Variants in UNC5A observed in about 807,000 individuals in gnomAD.
UNC5A encodes unc-5 netrin receptor A.
In UNC5A, 20 loss-of-function variants were observed where a neutral mutation model predicts 87.4. That is an observed-to-expected ratio of 0.23 (90% confidence interval 0.16 to 0.33). The LOEUF is 0.33. UNC5A is among the 10% of genes least tolerant of loss of function. The probability of loss-of-function intolerance (pLI) is 1.00; values close to 1 mark genes in which losing one functional copy is unlikely to be tolerated. For missense variants in UNC5A, 844 were observed against 1,133.4 expected, an observed-to-expected ratio of 0.74 and a Z score of 3.67; for synonymous variants, 438 against 482.3, an observed-to-expected ratio of 0.91 and a Z score of 1.20.
intron 2 of UNC5A, among the ~76,000 whole-genome samples, chr5:176,864,524 C>T (rs1474837948): frequency 6.6e-6 from 1 of 152,194 alleles, no homozygotes; most frequent in African/African-American, 2.4e-5. Flanking sequence ...AGCCCCAGAA[C>T]CAGCTTGTCA....
chr5:176,859,369 G>C (rs1174588935), intron 1 of UNC5A, among the ~76,000 whole-genome samples: 10 of 104,132 alleles, frequency 9.6e-5, no homozygotes, highest in Non-Finnish European at 1.5e-4. Flanking sequence ...ATGGCTGCTA[G>C]AATGCCCTTG....
intron 1 of UNC5A, among the ~76,000 whole-genome samples, chr5:176,856,068 C>T (rs551002365): frequency 2.6e-5 from 4 of 152,240 alleles, no homozygotes; most frequent in African/African-American, 7.2e-5. Flanking sequence ...TGAGTGAGGC[C>T]GAGTGACGCC....
chr5:176,869,017 C>A lies in UNC5A; in HGVS notation c.721+53C>A. 1.3e-6 allele frequency: 2 copies of A among 1,531,022 alleles called. No homozygotes were observed. The highest frequency in any genetic ancestry group is 2.3e-5 in the East Asian group (1 of 43,820). 94.8% of individuals were successfully genotyped at this position (1,531,022 alleles called of 1,614,324 possible). On this transcript the variant is annotated intron_variant, in intron 5 of 14. Coordinates refer to ENST00000329542, the MANE Select transcript of UNC5A (RefSeq NM_133369.3). The surrounding 1 kb of genome is among the most constrained non-coding windows in gnomAD (Gnocchi z 9.1). ...GGAGAGGCACTGCGGTGCCCCTGGGCAGTGACATGTGGCTGGTGGGGTGAA... is the reference window on the plus strand; with the variant it reads ...GGAGAGGCACTGCGGTGCCCCTGGGAAGTGACATGTGGCTGGTGGGGTGAA...
intron 6 of UNC5A, among the ~76,000 whole-genome samples, chr5:176,873,371 C>T (rs946522003): frequency 6.6e-6 from 1 of 152,098 alleles, no homozygotes; most frequent in Non-Finnish European, 1.5e-5. Context: ...AATTAAAAAC[C>T]TAATTATCTG....
chr5:176,858,246 G>A (rs1757714447), intron 1 of UNC5A, among the ~76,000 whole-genome samples: 1 of 152,260 alleles, frequency 6.6e-6, no homozygotes, highest in African/African-American at 2.4e-5. Context: ...TAGATGCAGA[G>A]AGGGTGAGAT....
In UNC5A at chr5:176,848,243, G is replaced by T. The variant is rs1055543490; in HGVS notation, c.71-14381G>T. Among the ~76,000 whole-genome samples the T allele has an allele frequency of 6.6e-6, 1 of 152,068 alleles. No homozygotes were observed. The highest frequency in any genetic ancestry group is 6.5e-5 in the Admixed American group (1 of 15,286). ...TGTGACATCCTTTAGGGACCCTTGGGGAGGGGGTACCCCAGCTTCTCTCTC... is the reference window on the plus strand; with the variant it reads ...TGTGACATCCTTTAGGGACCCTTGGTGAGGGGGTACCCCAGCTTCTCTCTC... On this transcript the variant is annotated intron_variant, in intron 1 of 14. Coordinates refer to ENST00000329542, the MANE Select transcript of UNC5A (RefSeq NM_133369.3). This position sits in a 1 kb window ranked among gnomAD's most constrained non-coding sequence, Gnocchi z 5.8.
At chr5:176,821,460 C>CACT (rs1756726687) in intron 1 of UNC5A, among the ~76,000 whole-genome samples, 1 of 152,164 alleles carries the variant, frequency 6.6e-6, no homozygotes, top group African/African-American at 2.4e-5. Context: ...ACTGGAGGCC[C>CACT]GTCTTTGGTG....
intron 1 of UNC5A, among the ~76,000 whole-genome samples, chr5:176,853,585 A>G (rs763662635): frequency 1.1e-4 from 17 of 152,236 alleles, no homozygotes; most frequent in Middle Eastern, 3.4e-3. Context: ...ACACGTTACT[A>G]TGGAAACCAG....
At chr5:176,877,818 G>A (rs1317349356) in intron 10 of UNC5A, 76 bp from the exon 11 acceptor site, 22 of 1,517,420 alleles carry the variant, frequency 1.4e-5, no homozygotes, top group Middle Eastern at 2.1e-4. Context: ...CCCAGTCTCC[G>A]GCCACTTCTT....
At chr5:176,857,059 C>T (rs554649038) in intron 1 of UNC5A, among the ~76,000 whole-genome samples, 5 of 152,368 alleles carry the variant, frequency 3.3e-5, no homozygotes, top group East Asian at 3.9e-4. Context: ...GCATTCAGGG[C>T]GCTGCTCAGA....
chr5:176,818,501 C>T (rs993159795), intron 1 of UNC5A, among the ~76,000 whole-genome samples: 3 of 152,186 alleles, frequency 2.0e-5, no homozygotes, highest in African/African-American at 7.2e-5. Context: ...ATCTGGGCTC[C>T]GCCTACATCA....
intron 10 of UNC5A, 33 bp downstream of exon 10, chr5:176,877,736 G>C: frequency 6.4e-7 from 1 of 1,563,252 alleles, no homozygotes; most frequent in Non-Finnish European, 8.7e-7. Flanking sequence ...CTCCAGAAGG[G>C]AACGTGGGCT....
chr5:176,861,543 C>T (rs553413779), intron 1 of UNC5A, among the ~76,000 whole-genome samples: 2 of 152,286 alleles, frequency 1.3e-5, no homozygotes, highest in Admixed American at 6.5e-5. Context: ...ATGTGCCCCT[C>T]GGTGGGTAGG....
chr5:176,876,673 G>A (rs1169975478), intron 8 of UNC5A, among the ~76,000 whole-genome samples: 3 of 152,180 alleles, frequency 2.0e-5, no homozygotes, highest in East Asian at 3.8e-4. Context: ...CCATGGCATG[G>A]CAGAGAGTAG....
At chr5:176,813,536 A>C (rs1158696683) in intron 1 of UNC5A, among the ~76,000 whole-genome samples, 1 of 152,188 alleles carries the variant, frequency 6.6e-6, no homozygotes, top group Non-Finnish European at 1.5e-5. Context: ...TGGGGCCCCT[A>C]GGTCCTCCCA....
chr5:176,844,359 G>T lies in UNC5A; in HGVS notation c.71-18265G>T, dbSNP rs1757351705. ...AGGGTGGAGGTGGGCCCAGATCTGT[G>T]CAGGGCCCAGCCTCACTCTGTTCTC... On this transcript the variant is annotated intron_variant, in intron 1 of 14. Coordinates refer to ENST00000329542, the MANE Select transcript of UNC5A (RefSeq NM_133369.3). The surrounding 1 kb of genome is among the most constrained non-coding windows in gnomAD (Gnocchi z 4.2). 6.6e-6 allele frequency among the ~76,000 whole-genome samples: 1 copy of T among 152,146 alleles called. No individual in the cohort carries two copies. The highest frequency in any genetic ancestry group is 1.5e-5 in the Non-Finnish European group (1 of 68,024).
intron 1 of UNC5A, among the ~76,000 whole-genome samples, chr5:176,819,258 C>T (rs1756669332): frequency 6.6e-6 from 1 of 152,214 alleles, no homozygotes; most frequent in Admixed American, 6.5e-5. Flanking sequence ...TCACAGCCTC[C>T]TCAGCCCTGG....
At position 176,810,902 on chromosome 5, in the gene UNC5A, A is replaced by G. The variant is rs1397082722; in HGVS notation, c.70+82A>G. The G allele has an allele frequency of 3.5e-6, 4 of 1,148,736 alleles. No homozygotes were observed. Among genetic ancestry groups the G allele is most frequent in the East Asian group, 3.7e-5 (1 of 27,128 alleles). 71.2% of individuals were successfully genotyped at this position (1,148,736 alleles called of 1,614,324 possible). A position where few individuals can be genotyped will look rare whatever the true frequency, so the allele number is the denominator to read the frequency against. ...CTCGCTGCTCTGGGGGTCCCTGACC[A>G]GCGCTGCCAGACCCGGCTGGGAGCC... On this transcript the variant is annotated intron_variant, in intron 1 of 14. Transcript: ENST00000329542. This position sits in a 1 kb window ranked among gnomAD's most constrained non-coding sequence, Gnocchi z 7.3.
At chr5:176,872,202 C>T (rs1454951586) in intron 6 of UNC5A, among the ~76,000 whole-genome samples, 4 of 69,970 alleles carry the variant, frequency 5.7e-5, no homozygotes, top group South Asian at 7.2e-4. Context: ...TTCCCATCTG[C>T]CCACACTCAC....
Sources: allele counts gnomAD v4.1 joint callset (sites outside exome capture counted in the v4.1 genomes callset), GRCh38; gene constraint gnomAD v4.1.1; non-coding constraint Gnocchi (gnomAD v3.1); transcripts MANE v1.5; gene names NCBI Gene and HGNC (gene_info 2026-07-23, HGNC 2026-07-21).